EXOC3L1: variants seen among roughly 807,000 people sequenced by gnomAD.
EXOC3L1 encodes the protein exocyst complex component 3-like protein.
EXOC3L1 carries 79 observed loss-of-function variants against 83.6 expected under a neutral mutation model. That is an observed-to-expected ratio of 0.95 (90% CI 0.79 to 1.14). EXOC3L1 has a LOEUF of 1.14. Among genes scored for constraint, EXOC3L1 ranks in the 50% most tolerant of loss-of-function variants. The pLI is 0.00. For synonymous variants in EXOC3L1, 433 were observed against 451.2 expected (o/e 0.96, Z 0.51); for missense variants, 945 against 972.0 (o/e 0.97, Z 0.37).
chr16:67,184,965 C>T lies in EXOC3L1; in HGVS notation c.1842G>A (p.Arg614=). The change falls in exon 12 of 14, where the codon AGG becomes AGA. Residue 614 remains arginine (R), a synonymous_variant. Coordinates refer to ENST00000314586, the MANE Select transcript of EXOC3L1 (RefSeq NM_178516.4). ...GCCGCAGGCGCTCGGCCGCCTGGGT[C>T]CTCTCGTCGGCTCCGCGGCACACCA... ...GRLVCRGADE[R]TQAAERLRHD... 1 of 1,610,462 alleles carries T rather than the reference C, an allele frequency of 6.2e-7. No homozygotes were observed. The highest frequency in any genetic ancestry group is 1.1e-5 in the South Asian group (1 of 90,840).
At position 67,187,555 on chromosome 16, in the gene EXOC3L1, A is replaced by AG; in HGVS notation, c.709dup (p.Leu237ProfsTer55). ...ACGCCAGTCCCGGGGGACCTGGCCC[A>AG]GGGGGGTTGTTCGTCCAGTCTCCAC... On this transcript the variant is annotated frameshift_variant, in exon 5 of 14. Transcript: ENST00000314586. LOFTEE classifies it high-confidence loss of function. 2 of 1,603,518 alleles carry AG rather than the reference A, an allele frequency of 1.2e-6. No homozygotes were observed. The highest frequency in any genetic ancestry group is 1.7e-6 in the Non-Finnish European group (2 of 1,178,586).
At chr16:67,184,628 G>C (rs774458936) in intron 13 of EXOC3L1, 24 bp from the exon 14 acceptor site, 1 of 1,584,884 alleles carries the variant, frequency 6.3e-7, no homozygotes, top group Admixed American at 1.7e-5. Context: ...AAGGAGGCGC[G>C]TCAGCCCCGT....
Position 67,190,060 on chromosome 16 carries a change from A to G in EXOC3L1, c.-97T>C. 5.2e-6 allele frequency: 1 copy of G among 192,820 alleles called. No homozygotes were observed. The highest frequency in any genetic ancestry group is 1.1e-5 in the Non-Finnish European group (1 of 93,146). The allele number at this position is 192,820 out of a possible 1,614,324, so 11.9% of individuals were successfully genotyped here. A position where few individuals can be genotyped will look rare whatever the true frequency, so the allele number is the denominator to read the frequency against. On this transcript the variant is annotated 5_prime_UTR_variant, in exon 1 of 14. Transcript: ENST00000314586. ...CCCAATGCAGCTGGGCACGCCTGCCACTTGCTCACAGGGCCTGGGCAACTC... is the reference window on the plus strand; with the variant it reads ...CCCAATGCAGCTGGGCACGCCTGCCGCTTGCTCACAGGGCCTGGGCAACTC...
chr16:67,188,965 C>T, intron 3 of EXOC3L1, 25 bp from the exon 4 acceptor site: 1 of 1,610,310 alleles, frequency 6.2e-7, no homozygotes, highest in African/African-American at 1.3e-5. Context: ...AGCCATGAGG[C>T]TGGGCCAGCC....
At chr16:67,185,086 G>C (rs1313111539) in intron 11 of EXOC3L1, 29 bp from the exon 12 acceptor site, 2 of 1,612,084 alleles carry the variant, frequency 1.2e-6, no homozygotes, top group Non-Finnish European at 1.7e-6. Flanking sequence ...GCGGGTGCAG[G>C]TCGCCTCTCA....
At position 67,186,319 on chromosome 16, in the gene EXOC3L1, G is replaced by A. The variant is rs779453662; in HGVS notation, c.1414C>T (p.Arg472Ter). 5.1e-6 allele frequency: 8 copies of A among 1,567,466 alleles called. No homozygotes were observed. Among genetic ancestry groups the A allele is most frequent in the South Asian group, 4.7e-5 (4 of 85,440 alleles). ...ATTGATTTCCCCCTGAAGTGGTCTC[G>A]GGAGAATCGGATCAGAGCATCACTG... ...SFSDALIRFS[R>*]DHFRGKSMAP... Residue 472 changes from arginine (R) to a stop codon, truncating the protein, a stop_gained, in exon 9 of 14, where the codon CGA (arginine) becomes TGA (stop). Transcript: ENST00000314586. LOFTEE classifies it high-confidence loss of function.
intron 6 of EXOC3L1, 51 bp downstream of exon 6, chr16:67,186,970 G>A: frequency 6.2e-7 from 1 of 1,612,092 alleles, no homozygotes; most frequent in African/African-American, 1.3e-5. Context: ...GCAGATAAAG[G>A]CCCACAGCAG....
rs1220765391 is a variant in EXOC3L1, at chr16:67,189,688, A to T, written c.-7-5T>A. ...GCTGCTGAGTCCATTGTGGGCCTGGAGGAGCCAGAGCTGAGGTGGGCCCGG... is the reference window on the plus strand; with the variant it reads ...GCTGCTGAGTCCATTGTGGGCCTGGTGGAGCCAGAGCTGAGGTGGGCCCGG... On this transcript the variant is annotated splice_region_variant and splice_polypyrimidine_tract_variant and intron_variant, in intron 1 of 13. Coordinates refer to ENST00000314586, the MANE Select transcript of EXOC3L1 (RefSeq NM_178516.4). The T allele has an allele frequency of 2.5e-6, 4 of 1,613,822 alleles. No homozygotes were observed. Among genetic ancestry groups the T allele is most frequent in the Non-Finnish European group, 3.4e-6 (4 of 1,179,970 alleles).
At position 67,186,899 on chromosome 16, in the gene EXOC3L1, CA is replaced by C. The variant is rs756463325; in HGVS notation, c.1159-16del. Reference sequence around the variant, plus strand: ...GACACACTTGCCTGGGGGGAGGGGCCAGGGGCAAAGGAATGTAGCAGGGATC... The same window carrying C: ...GACACACTTGCCTGGGGGGAGGGGCCGGGGCAAAGGAATGTAGCAGGGATC... On this transcript the variant is annotated splice_polypyrimidine_tract_variant and intron_variant, in intron 6 of 13. Transcript: ENST00000314586. 96 of 1,613,414 alleles carry C rather than the reference CA, an allele frequency of 6.0e-5. No individual in the cohort carries two copies. The African/African-American group carries it at 1.0e-3, about 17-fold the overall frequency.
chr16:67,187,721 C>A lies in EXOC3L1; in HGVS notation c.544G>T (p.Gly182Cys). 1 of 1,613,080 alleles carries A rather than the reference C, an allele frequency of 6.2e-7. No individual in the cohort carries two copies. The highest frequency in any genetic ancestry group is 8.5e-7 in the Non-Finnish European group (1 of 1,180,012). ...LREDTWAPLG[G>C]LELPVFQGLD... ...CCCTGGAAGACTGGCAACTCCAGGCCCCCCAGGGGTGCCCACGTATCCTCT... is the reference window on the plus strand; with the variant it reads ...CCCTGGAAGACTGGCAACTCCAGGCACCCCAGGGGTGCCCACGTATCCTCT... The change falls in exon 5 of 14, where the codon GGC becomes TGC. Residue 182 changes from glycine (G) to cysteine (C), a missense_variant. By Grantham distance (159) the Gly-to-Cys change is radical. Coordinates refer to ENST00000314586, the MANE Select transcript of EXOC3L1 (RefSeq NM_178516.4).
chr16:67,187,929 T>A, intron 4 of EXOC3L1, 92 bp from the exon 5 acceptor site: 1 of 1,456,324 alleles, frequency 6.9e-7, no homozygotes, highest in Non-Finnish European at 9.1e-7. Context: ...AGGGCGGGGG[T>A]GATGCATAAA....
At position 67,187,630 on chromosome 16, in the gene EXOC3L1, A is replaced by G; in HGVS notation, c.635T>C (p.Leu212Pro). ...CAACAGGGCTGGGTCCTCCCGTGCC[A>G]GCTTCCCTGCGGCCCCTGCAGCTGC... ...VEAAAGAAGKLAREDPALLVA... is the reference protein window; with the variant it reads ...VEAAAGAAGKPAREDPALLVA... The change falls in exon 5 of 14, where the codon CTG becomes CCG. Residue 212 changes from leucine (L) to proline (P), a missense_variant. Physicochemically the swap from Leu to Pro is moderately conservative, Grantham distance 98. Coordinates refer to ENST00000314586, the MANE Select transcript of EXOC3L1 (RefSeq NM_178516.4). The G allele has an allele frequency of 6.2e-7, 1 of 1,609,186 alleles. No individual in the cohort carries two copies. The highest frequency in any genetic ancestry group is 2.2e-5 in the East Asian group (1 of 44,818).
At position 67,189,002 on chromosome 16, in the gene EXOC3L1, C is replaced by A; in HGVS notation, c.207+18G>T. ...TGCAGCACAGTCCCAGCACCCGCACCCCCTGCCCCATGCCCACCTTGAGGC... is the reference window on the plus strand; with the variant it reads ...TGCAGCACAGTCCCAGCACCCGCACACCCTGCCCCATGCCCACCTTGAGGC... On this transcript the variant is annotated intron_variant, in intron 3 of 13. Transcript: ENST00000314586. 1 of 1,604,142 alleles carries A rather than the reference C, an allele frequency of 6.2e-7. No homozygotes were observed. The highest frequency in any genetic ancestry group is 8.5e-7 in the Non-Finnish European group (1 of 1,173,478).
intron 11 of EXOC3L1, 31 bp downstream of exon 11, chr16:67,185,105 G>T (rs1597267791): frequency 1.2e-6 from 2 of 1,612,598 alleles, no homozygotes; most frequent in South Asian, 1.1e-5. Context: ...CACCCGCGCC[G>T]CCCCTTCCCC....
At position 67,184,693 on chromosome 16, in the gene EXOC3L1, C is replaced by T. The variant is rs2032631991; in HGVS notation, c.2023G>A (p.Asp675Asn). ...EVAGLRQQFP[D>N]VSEDHVSALL... is the part of the protein sequence containing the mutation. ...CTGGCCCCCAGTCCGCACCTCACGTCGGGAAATTGTTGCCGCAGGCCAGCC... is the reference window on the plus strand; with the variant it reads ...CTGGCCCCCAGTCCGCACCTCACGTTGGGAAATTGTTGCCGCAGGCCAGCC... Residue 675 changes from aspartate to asparagine, a missense_variant, in exon 13 of 14, where the codon GAC becomes AAC. By Grantham distance (23) the Asp-to-Asn change is conservative. Transcript: ENST00000314586. 1 of 1,575,778 alleles carries T rather than the reference C, an allele frequency of 6.3e-7. No homozygotes were observed. Among genetic ancestry groups the T allele is most frequent in the Non-Finnish European group, 8.6e-7 (1 of 1,164,490 alleles).
At chr16:67,185,581 A>G in intron 9 of EXOC3L1, 91 bp from the exon 10 acceptor site, 1 of 1,237,620 alleles carries the variant, frequency 8.1e-7, no homozygotes, top group Non-Finnish European at 1.2e-6. Flanking sequence ...CTTGTGGGGC[A>G]AGTGTTTGAC....
intron 9 of EXOC3L1, 130 bp from the exon 10 acceptor site, chr16:67,185,620 C>T (rs2032684925): frequency 2.4e-6 from 2 of 823,598 alleles, no homozygotes; most frequent in East Asian, 5.2e-5. Context: ...CGGCTCTCTG[C>T]ACTTCTGGTC....
In EXOC3L1 at chr16:67,184,819, G is replaced by T. The variant is rs1440835490; in HGVS notation, c.1906-9C>A. 1 of 1,604,168 alleles carries T rather than the reference G, an allele frequency of 6.2e-7. No individual in the cohort carries two copies. Among genetic ancestry groups the T allele is most frequent in the Non-Finnish European group, 8.5e-7 (1 of 1,179,678 alleles). On this transcript the variant is annotated splice_polypyrimidine_tract_variant and intron_variant, in intron 12 of 13. Transcript: ENST00000314586. ...GCGTTCTCCTCCAGGCCCTGAGCAC[G>T]TCGGGGTAGGGTCTCGCGCCAGCCC...
intron 1 of EXOC3L1, 74 bp downstream of exon 1, chr16:67,189,895 GAC>G (rs1468118908): frequency 5.0e-6 from 3 of 595,968 alleles, no homozygotes; most frequent in Non-Finnish European, 9.0e-6. Context: ...TGTCAAGCGA[GAC>G]AGAGTGGGCA....
Sources: allele counts gnomAD v4.1 joint callset, GRCh38; gene constraint gnomAD v4.1.1; transcripts MANE v1.5; gene names NCBI Gene and HGNC (gene_info 2026-07-23, HGNC 2026-07-21).